The following CCDC192 variants were observed in gnomAD, a reference collection of about 807,000 sequenced individuals.
The protein encoded by CCDC192 is coiled-coil domain-containing protein 192.
chr5:127,716,118 A>G (rs1735862249), intron 2 of CCDC192, among the ~76,000 whole-genome samples: 1 of 152,098 alleles, frequency 6.6e-6, no homozygotes, highest in African/African-American at 2.4e-5. Flanking sequence ...ATTTCATCAA[A>G]TGCTTTTTTT....
At chr5:127,841,183 G>A (rs956882506) in intron 5 of CCDC192, among the ~76,000 whole-genome samples, 1 of 152,204 alleles carries the variant, frequency 6.6e-6, no homozygotes, top group Non-Finnish European at 1.5e-5. Context: ...ATTAGTATTA[G>A]GATGTGGAGC....
At chr5:127,815,765 G>A (rs573849774) in intron 5 of CCDC192, among the ~76,000 whole-genome samples, 3 of 152,082 alleles carry the variant, frequency 2.0e-5, no homozygotes, top group African/African-American at 7.2e-5. Context: ...CTCCTCAGGA[G>A]GCTGAGGCAG....
chr5:127,733,825 C>T (rs1358068403), intron 2 of CCDC192, among the ~76,000 whole-genome samples: 1 of 150,746 alleles, frequency 6.6e-6, no homozygotes, highest in East Asian at 1.9e-4. Flanking sequence ...ATTTCATTCT[C>T]ATCCACATTG....
intron 5 of CCDC192, among the ~76,000 whole-genome samples, chr5:127,811,814 A>T (rs577440360): frequency 6.6e-6 from 1 of 152,250 alleles, no homozygotes; most frequent in South Asian, 2.1e-4. Flanking sequence ...TGAGAAGAAA[A>T]GGGAGACTCA....
In CCDC192 at chr5:127,782,724, C is replaced by T. The variant is rs574494399; in HGVS notation, c.223-14379C>T. Reference sequence around the variant, plus strand: ...CTCTTTTCTTGGTTAATCTTGCTAACGATGTATCAATTTTATTTATCTTTT... The same window carrying T: ...CTCTTTTCTTGGTTAATCTTGCTAATGATGTATCAATTTTATTTATCTTTT... On this transcript the variant is annotated intron_variant, in intron 3 of 6. Coordinates refer to ENST00000514853, the MANE Select transcript of CCDC192 (RefSeq NM_001317938.2). Among the ~76,000 whole-genome samples, 77 of 152,010 alleles carry T rather than the reference C, an allele frequency of 5.1e-4. No individual in the cohort carries two copies. In the South Asian group the frequency reaches 9.4e-3, roughly 19 times the overall value.
chr5:127,773,398 G>A (rs1755674303), intron 3 of CCDC192, among the ~76,000 whole-genome samples: 2 of 147,164 alleles, frequency 1.4e-5, no homozygotes, highest in South Asian at 4.2e-4. Flanking sequence ...CATCACCCCA[G>A]AAGAACACTT....
At chr5:127,763,857 T>G (rs964627587) in intron 3 of CCDC192, among the ~76,000 whole-genome samples, 3 of 152,180 alleles carry the variant, frequency 2.0e-5, no homozygotes, top group African/African-American at 7.2e-5. Context: ...TCTTATCGCC[T>G]TACTCATTAT....
At chr5:127,789,614 T>G (rs558008986) in intron 3 of CCDC192, among the ~76,000 whole-genome samples, 107 of 152,342 alleles carry the variant, frequency 7.0e-4, no homozygotes, top group South Asian at 2.5e-3. Context: ...GAGATTGGTA[T>G]GGGTGTGAAA....
intron 3 of CCDC192, among the ~76,000 whole-genome samples, chr5:127,769,393 G>A (rs896549458): frequency 2.0e-5 from 3 of 151,696 alleles, no homozygotes; most frequent in Non-Finnish European, 2.9e-5. Context: ...ATATCAAATA[G>A]GTTGTTGGAT....
At chr5:127,846,808 A>G (rs184305705) in intron 5 of CCDC192, among the ~76,000 whole-genome samples, 1 of 111,110 alleles carries the variant, frequency 9.0e-6, no homozygotes, top group African/African-American at 3.8e-5. Context: ...CCATTCACCT[A>G]GTCAATAAAG....
At chr5:127,873,380 C>A (rs1262951273) in intron 5 of CCDC192, among the ~76,000 whole-genome samples, 1 of 152,070 alleles carries the variant, frequency 6.6e-6, no homozygotes, top group Admixed American at 6.6e-5. Flanking sequence ...TGCAAACATA[C>A]AAAAAAGTTG....
intron 6 of CCDC192, among the ~76,000 whole-genome samples, chr5:127,893,903 T>C (rs1752798350): frequency 6.6e-6 from 1 of 151,850 alleles, no homozygotes; most frequent in Non-Finnish European, 1.5e-5. Flanking sequence ...AAATAAAAGT[T>C]GAAATTAAAG....
intron 2 of CCDC192, among the ~76,000 whole-genome samples, chr5:127,731,014 A>G (rs1752611504): frequency 6.6e-6 from 1 of 152,176 alleles, no homozygotes; most frequent in Admixed American, 6.5e-5. Context: ...AGTTTTGGCC[A>G]GGGCAATCAG....
chr5:127,831,988 G>A (rs962821364), intron 5 of CCDC192, among the ~76,000 whole-genome samples: 1 of 151,624 alleles, frequency 6.6e-6, no homozygotes, highest in African/African-American at 2.4e-5. Context: ...CAAATAAATA[G>A]AAGGAATTAA....
At chr5:127,799,569 C>T (rs1757368707) in intron 5 of CCDC192, among the ~76,000 whole-genome samples, 1 of 152,276 alleles carries the variant, frequency 6.6e-6, no homozygotes, top group Non-Finnish European at 1.5e-5. Context: ...AAGCTTTTAG[C>T]TCAGAATTTT....
Position 127,900,305 on chromosome 5 carries a change from T to G in CCDC192, c.535+24644T>G, listed in dbSNP as rs184437740. Among the ~76,000 whole-genome samples, 370 of 152,284 alleles carry G rather than the reference T, an allele frequency of 2.4e-3. 2 individuals carry two copies. The highest frequency in any genetic ancestry group is 8.6e-3 in the African/African-American group (356 of 41,558). ...GCTACAGCTTTAAAGCAGGGTAGCA[T>G]CCTAAACTCAGATGTACATGGAAAA... On this transcript the variant is annotated intron_variant, in intron 6 of 6. Transcript: ENST00000514853.
intron 2 of CCDC192, among the ~76,000 whole-genome samples, chr5:127,751,173 A>G (rs1754141201): frequency 6.8e-6 from 1 of 147,802 alleles, no homozygotes; most frequent in South Asian, 2.2e-4. Flanking sequence ...TTAGCTGGTT[A>G]TTTTGCTCGT....
intron 3 of CCDC192, among the ~76,000 whole-genome samples, chr5:127,774,499 T>C (rs759563233): frequency 6.6e-6 from 1 of 152,228 alleles, no homozygotes; most frequent in African/African-American, 2.4e-5. Context: ...GCACCATTTG[T>C]TGAAGATCCT....
chr5:127,767,350 G>A (rs150549296), intron 3 of CCDC192, among the ~76,000 whole-genome samples: 86 of 152,304 alleles, frequency 5.6e-4, no homozygotes, highest in African/African-American at 1.2e-3. Context: ...AGAGATCTTC[G>A]AGAACGGTTG....
Sources: gnomAD v4.1 joint callset for allele counts (sites outside exome capture counted in the v4.1 genomes callset) on GRCh38, gnomAD v4.1.1 for gene constraint, MANE v1.5 for transcripts, NCBI Gene and HGNC (gene_info 2026-07-23, HGNC 2026-07-21) for gene names.